The following CTNNBL1 variants were observed in gnomAD, a reference collection of about 807,000 sequenced individuals.
CTNNBL1 encodes the protein beta-catenin-like protein 1.
A neutral mutation model predicts 72.7 loss-of-function variants in CTNNBL1; 31 were observed. That is an observed-to-expected ratio of 0.43 (90% CI 0.32 to 0.58). CTNNBL1 has a LOEUF of 0.58. Ranked by LOEUF, CTNNBL1 falls within the 20% of genes least tolerant of loss-of-function variation. CTNNBL1 has a pLI of 0.08. For missense variants in CTNNBL1, 534 were observed against 725.1 expected, an observed-to-expected ratio of 0.74 and a Z score of 3.03; for synonymous variants, 240 against 267.3, an observed-to-expected ratio of 0.90 and a Z score of 1.00.
intron 11 of CTNNBL1, among the ~76,000 whole-genome samples, chr20:37,832,945 T>C (rs191700830): frequency 6.6e-6 from 1 of 152,324 alleles, no homozygotes; most frequent in East Asian, 1.9e-4. Flanking sequence ...TCAAGCGTTC[T>C]TAACTAAAGA....
At chr20:37,764,680 AAGT>A (rs2073449003) in intron 5 of CTNNBL1, among the ~76,000 whole-genome samples, 1 of 152,190 alleles carries the variant, frequency 6.6e-6, no homozygotes, top group Non-Finnish European at 1.5e-5. Context: ...AATTCTTCAT[AAGT>A]AGTAGTTTCA....
At chr20:37,755,160 C>T (rs956571718) in intron 4 of CTNNBL1, among the ~76,000 whole-genome samples, 3 of 152,070 alleles carry the variant, frequency 2.0e-5, no homozygotes, top group Non-Finnish European at 2.9e-5. Flanking sequence ...GTGCTTACAC[C>T]GAATCTTATA....
intron 3 of CTNNBL1, among the ~76,000 whole-genome samples, chr20:37,740,944 T>G (rs2073210471): frequency 6.6e-6 from 1 of 152,236 alleles, no homozygotes; most frequent in Non-Finnish European, 1.5e-5. Flanking sequence ...GAGCATCATG[T>G]TCCCCCAGCA....
intron 15 of CTNNBL1, among the ~76,000 whole-genome samples, chr20:37,867,242 A>G (rs191509136): frequency 2.6e-5 from 4 of 152,214 alleles, no homozygotes; most frequent in Non-Finnish European, 4.4e-5. Context: ...AGGGTTTTCA[A>G]TGTGAAAATA....
In CTNNBL1 at chr20:37,757,570, G is replaced by A. The variant is rs1415083721; in HGVS notation, c.478G>A (p.Ala160Thr). ...TTAACATTTTTCACATGTGTCCATAGCTGTGGTCGATTTGCTTCAGGAATT... is the reference window on the plus strand; with the variant it reads ...TTAACATTTTTCACATGTGTCCATAACTGTGGTCGATTTGCTTCAGGAATT... ...LGHDNTDVSI[A>T]VVDLLQELTD... The change falls in exon 5 of 16, where the codon GCT (alanine) becomes ACT (threonine). Residue 160 changes from alanine to threonine, a missense_variant. Physicochemically the swap from Ala to Thr is moderately conservative, Grantham distance 58 (BLOSUM62 0). Coordinates refer to ENST00000361383, the MANE Select transcript of CTNNBL1 (RefSeq NM_030877.5). The A allele has an allele frequency of 6.2e-7, 1 of 1,613,414 alleles. No individual in the cohort carries two copies. Among genetic ancestry groups the A allele is most frequent in the Admixed American group, 1.7e-5 (1 of 60,024 alleles).
chr20:37,786,509 C>T (rs542909993), intron 10 of CTNNBL1, among the ~76,000 whole-genome samples: 50 of 152,050 alleles, frequency 3.3e-4, no homozygotes, highest in African/African-American at 1.2e-3. Flanking sequence ...TTTAGAGAAC[C>T]AACTCTTGGT....
intron 11 of CTNNBL1, among the ~76,000 whole-genome samples, chr20:37,812,166 A>C (rs2122754233): frequency 6.6e-6 from 1 of 152,342 alleles, no homozygotes; most frequent in South Asian, 2.1e-4. Flanking sequence ...TCAGTCAAAT[A>C]AGCCTGATAA....
intron 1 of CTNNBL1, among the ~76,000 whole-genome samples, chr20:37,714,845 A>G (rs1256586075): frequency 6.6e-6 from 1 of 152,160 alleles, no homozygotes; most frequent in Non-Finnish European, 1.5e-5. Flanking sequence ...CTTCCACAAC[A>G]CTGCTACCCC....
chr20:37,757,471 A>G lies in CTNNBL1; in HGVS notation c.467-88A>G, dbSNP rs570601657. ...TATTAAAGGTAGATGGTGATAAAGC[A>G]ATTGATGAGGAAACGGAAGGGAATC... On this transcript the variant is annotated intron_variant, in intron 4 of 15. Coordinates refer to ENST00000361383, the MANE Select transcript of CTNNBL1 (RefSeq NM_030877.5). 15 of 843,834 alleles carry G rather than the reference A, an allele frequency of 1.8e-5. No homozygotes were observed. The South Asian group carries it at 2.1e-4, about 12-fold the overall frequency. The allele number at this position is 843,834 out of a possible 1,614,324, so 52.3% of individuals were successfully genotyped here.
rs184764048 is a variant in CTNNBL1, at chr20:37,812,173, A to C, written c.1213+9125A>C. ...ATTCCTCCTCAGTCAAATAAGCCTG[A>C]TAAAACCTTTCTTAGAATGTTTTGT... is the stretch of plus-strand genomic sequence containing the variant. On this transcript the variant is annotated intron_variant, in intron 11 of 15. Transcript: ENST00000361383. Among the ~76,000 whole-genome samples the C allele has an allele frequency of 2.6e-5, 4 of 152,338 alleles. No homozygotes were observed. In the East Asian group the frequency reaches 7.7e-4, roughly 29 times the overall value.
At chr20:37,744,756 T>C (rs1303916855) in intron 3 of CTNNBL1, 1 of 152,168 alleles carries the variant, frequency 6.6e-6, no homozygotes, top group Non-Finnish European at 1.5e-5. Context: ...ATAAGGGGAA[T>C]TATTTAGCCT....
intron 13 of CTNNBL1, among the ~76,000 whole-genome samples, chr20:37,843,902 A>ATT (rs2072325753): frequency 6.6e-6 from 1 of 152,250 alleles, no homozygotes; most frequent in African/African-American, 2.4e-5. Context: ...CTACTGCAAG[A>ATT]TAAAAGGCAG....
chr20:37,714,834 G>C (rs922485219), intron 1 of CTNNBL1, among the ~76,000 whole-genome samples: 5 of 152,044 alleles, frequency 3.3e-5, no homozygotes, highest in African/African-American at 1.2e-4. Context: ...TGGGTTAGGT[G>C]CTTCCACAAC....
rs190879643 is a variant in CTNNBL1 at position 37,851,671 on chromosome 20, T to C, written c.1393-8228T>C. On this transcript the variant is annotated intron_variant, in intron 13 of 15. Coordinates refer to ENST00000361383, the MANE Select transcript of CTNNBL1 (RefSeq NM_030877.5). ...GTGAGCTTTTTGGCCTTAGGAGAGA[T>C]TCATCTCTTTAAGCCTCAGTTTCCC... Among the ~76,000 whole-genome samples the C allele has an allele frequency of 5.6e-3, 851 of 152,330 alleles. 10 individuals carry two copies. The highest frequency in any genetic ancestry group is 6.0e-3 in the Non-Finnish European group (407 of 68,034).
intron 1 of CTNNBL1, among the ~76,000 whole-genome samples, chr20:37,711,454 G>A (rs1471082343): frequency 2.6e-5 from 4 of 151,232 alleles, no homozygotes; most frequent in African/African-American, 9.8e-5. Flanking sequence ...TAAATGTAAG[G>A]TATTACACTA....
intron 4 of CTNNBL1, among the ~76,000 whole-genome samples, chr20:37,753,149 A>G (rs529586171): frequency 6.6e-6 from 1 of 152,274 alleles, no homozygotes; most frequent in South Asian, 2.1e-4. Flanking sequence ...GGAGTTGATG[A>G]TGACAATTAC....
chr20:37,868,693 G>A (rs539686664), intron 15 of CTNNBL1, among the ~76,000 whole-genome samples: 14 of 152,258 alleles, frequency 9.2e-5, no homozygotes, highest in East Asian at 3.9e-4. Flanking sequence ...ATATGTAAGC[G>A]AGGCCTCGGC....
chr20:37,822,228 C>T (rs1027156256), intron 11 of CTNNBL1, among the ~76,000 whole-genome samples: 9 of 152,126 alleles, frequency 5.9e-5, no homozygotes, highest in Non-Finnish European at 8.8e-5. Context: ...TTCCTGTGGC[C>T]GTGGTGTGGG....
rs367552038 is a variant in CTNNBL1, at chr20:37,746,789, A to G, written c.466+182A>G. The stretch of plus-strand genomic sequence containing the variant: ...TCATTTGAAAACCTGGTTTTTCTCT[A>G]TTAACAAATCTTGCAAATCTTGGGC... On this transcript the variant is annotated intron_variant, in intron 4 of 15. Transcript: ENST00000361383. The G allele has an allele frequency of 2.0e-4, 166 of 843,860 alleles. 2 individuals carry two copies. The East Asian group carries it at 2.4e-3, about 12-fold the overall frequency. 52.3% of individuals were successfully genotyped at this position (843,860 alleles called of 1,614,324 possible).
Sources: allele counts gnomAD v4.1 joint callset (sites outside exome capture counted in the v4.1 genomes callset), GRCh38; gene constraint gnomAD v4.1.1; transcripts MANE v1.5; gene names NCBI Gene and HGNC (gene_info 2026-07-23, HGNC 2026-07-21).